DPYSL2: variants seen among roughly 807,000 people sequenced by gnomAD.
DPYSL2 encodes dihydropyrimidinase like 2, also known as dihydropyrimidinase-related protein 2.
DPYSL2 carries 13 observed loss-of-function variants against 69.9 expected under a neutral mutation model. The observed-to-expected ratio is 0.19, with a 90% confidence interval of 0.12 to 0.30. The LOEUF (loss-of-function observed/expected upper bound fraction) is 0.30. DPYSL2 is among the 10% of genes least tolerant of loss of function. The pLI is 1.00. For missense variants in DPYSL2, 587 were observed against 918.9 expected (o/e 0.64, Z 4.67); for synonymous variants, 326 against 359.1 (o/e 0.91, Z 1.04).
intron 1 of DPYSL2, among the ~76,000 whole-genome samples, chr8:26,576,840 G>C (rs1048498233): frequency 6.6e-6 from 1 of 152,240 alleles, no homozygotes; most frequent in African/African-American, 2.4e-5. Context: ...CACTGGCACT[G>C]TAAACCCTCA....
At chr8:26,629,135 G>A (rs754805323) in intron 7 of DPYSL2, among the ~76,000 whole-genome samples, 60 of 152,220 alleles carry the variant, frequency 3.9e-4, no homozygotes, top group South Asian at 3.5e-3. Context: ...CAGGGTCCAC[G>A]CTTTGTTCTA....
rs7018107 is a variant in DPYSL2, at chr8:26,527,084, A to C, written c.354+12405A>C. Among the ~76,000 whole-genome samples the C allele has an allele frequency of 4.0e-3, 615 of 152,334 alleles. 2 individuals carry two copies. Among genetic ancestry groups the C allele is most frequent in the African/African-American group, 0.014 (563 of 41,568 alleles). On this transcript the variant is annotated intron_variant, in intron 1 of 13. Transcript: ENST00000521913. ...CTTGAGCCAATATTCAGATTTTATT[A>C]AATATGACTGGGGAGTGGGCTAGTT...
chr8:26,577,273 G>T (rs1212230718), intron 1 of DPYSL2: 1 of 352,814 alleles, frequency 2.8e-6, no homozygotes, highest in African/African-American at 2.3e-5. Context: ...CCGGGAAGCA[G>T]CCGCCCTCTC....
intron 1 of DPYSL2, among the ~76,000 whole-genome samples, chr8:26,536,481 G>A (rs1800594596): frequency 6.6e-6 from 1 of 152,030 alleles, no homozygotes; most frequent in African/African-American, 2.4e-5. Context: ...GACCAGCCTG[G>A]TTAACATGGT....
Position 26,652,172 on chromosome 8 carries a change from G to T in DPYSL2, c.1597-85G>T. On this transcript the variant is annotated intron_variant, in intron 11 of 13. Coordinates refer to ENST00000521913, the MANE Select transcript of DPYSL2 (RefSeq NM_001197293.3). The surrounding 1 kb of genome is among the most constrained non-coding windows in gnomAD (Gnocchi z 6.3). ...GTCTCTGAGTCTCTCTTTTGTCTCT[G>T]TGGGGTTGGGGCAGTGGGTGCTGCC... 4 of 1,333,916 alleles carry T rather than the reference G, an allele frequency of 3.0e-6. No individual in the cohort carries two copies. The highest frequency in any genetic ancestry group is 3.0e-6 in the Non-Finnish European group (3 of 993,838). 82.6% of individuals were successfully genotyped at this position (1,333,916 alleles called of 1,614,324 possible).
chr8:26,593,390 A>G lies in DPYSL2; in HGVS notation c.628+9407A>G, dbSNP rs1284539849. On this transcript the variant is annotated intron_variant, in intron 3 of 13. Transcript: ENST00000521913. This position sits in a 1 kb window ranked among gnomAD's most constrained non-coding sequence, Gnocchi z 5.7. ...GCTGGGATTAAGAATCATGGATCCC[A>G]GTGCTTGTTCTGATAGTTGGACTTC... is the stretch of plus-strand genomic sequence containing the variant. 6.6e-6 allele frequency among the ~76,000 whole-genome samples: 1 copy of G among 152,208 alleles called. No homozygotes were observed. Among genetic ancestry groups the G allele is most frequent in the South Asian group, 2.1e-4 (1 of 4,834 alleles).
chr8:26,615,581 A>G (rs1252291016), intron 3 of DPYSL2, among the ~76,000 whole-genome samples: 1 of 152,024 alleles, frequency 6.6e-6, no homozygotes, highest in African/African-American at 2.4e-5. Flanking sequence ...GGCAGGTGTG[A>G]TGTTTGGTCT....
chr8:26,551,814 T>C (rs1315385431), intron 1 of DPYSL2, among the ~76,000 whole-genome samples: 2 of 152,154 alleles, frequency 1.3e-5, no homozygotes, highest in African/African-American at 4.8e-5. Flanking sequence ...AATATACTTT[T>C]ATTGTATTTT....
Position 26,627,317 on chromosome 8 carries a change from C to G in DPYSL2, c.936+22C>G, listed in dbSNP as rs1207382344. On this transcript the variant is annotated intron_variant, in intron 6 of 13. Transcript: ENST00000521913. The surrounding 1 kb of genome is among the most constrained non-coding windows in gnomAD (Gnocchi z 6.9). The stretch of plus-strand genomic sequence containing the variant: ...AGAGGTACAGGGCTTTCTTTTTCGT[C>G]ATTTCTTCATCACCTGGAGGGTGAG... The G allele has an allele frequency of 6.2e-7, 1 of 1,612,522 alleles. No individual in the cohort carries two copies. The highest frequency in any genetic ancestry group is 8.5e-7 in the Non-Finnish European group (1 of 1,178,622).
Position 26,644,465 on chromosome 8 carries a change from C to T in DPYSL2, c.1425+374C>T, listed in dbSNP as rs1803119285. On this transcript the variant is annotated intron_variant, in intron 10 of 13. Transcript: ENST00000521913. This position sits in a 1 kb window ranked among gnomAD's most constrained non-coding sequence, Gnocchi z 4.5. ...AGGACCACAGGCTCAGACCACCATG[C>T]CTGGCTAATTTTTTTTTTATTTTTT... 1.3e-5 allele frequency among the ~76,000 whole-genome samples: 2 copies of T among 152,094 alleles called. No homozygotes were observed. Among genetic ancestry groups the T allele is most frequent in the East Asian group, 1.9e-4 (1 of 5,156 alleles).
intron 1 of DPYSL2, among the ~76,000 whole-genome samples, chr8:26,581,079 A>C (rs374353431): frequency 4.7e-4 from 71 of 152,342 alleles, no homozygotes; most frequent in Middle Eastern, 3.4e-3. Flanking sequence ...TTTTCTTAAC[A>C]GCCTAGTTAA....
chr8:26,623,404 G>A (rs1227440960), intron 3 of DPYSL2, among the ~76,000 whole-genome samples: 1 of 152,162 alleles, frequency 6.6e-6, no homozygotes, highest in Admixed American at 6.5e-5. Flanking sequence ...CATAACAAAT[G>A]TATGTGCTAG....
At position 26,642,915 on chromosome 8, in the gene DPYSL2, G is replaced by A. The variant is rs968438911; in HGVS notation, c.1127-524G>A. The stretch of plus-strand genomic sequence containing the variant: ...GCTGTCTCTTGAGGATATCTGGGGG[G>A]TTATGTATTTGCCCTGAAATACTTC... On this transcript the variant is annotated intron_variant, in intron 8 of 13. Coordinates refer to ENST00000521913, the MANE Select transcript of DPYSL2 (RefSeq NM_001197293.3). The surrounding 1 kb of genome is among the most constrained non-coding windows in gnomAD (Gnocchi z 5.3). The A allele has an allele frequency of 6.6e-6, 1 of 152,456 alleles. No individual in the cohort carries two copies. The highest frequency in any genetic ancestry group is 1.5e-5 in the Non-Finnish European group (1 of 68,260). The allele number at this position is 152,456 out of a possible 1,614,324, so 9.4% of individuals were successfully genotyped here.
At chr8:26,526,418 G>A (rs966822067) in intron 1 of DPYSL2, among the ~76,000 whole-genome samples, 3 of 152,160 alleles carry the variant, frequency 2.0e-5, no homozygotes, top group African/African-American at 7.2e-5. Flanking sequence ...ATTAGCAATA[G>A]GTCATGTTAT....
rs537449529 is a variant in DPYSL2, at chr8:26,648,061, T to C, written c.1596+261T>C. ...TAGACCTTTAGAGCCTCTAAAGTGATGTCAGGATGTGCAAAGCTTCCAGAA... is the reference window on the plus strand; with the variant it reads ...TAGACCTTTAGAGCCTCTAAAGTGACGTCAGGATGTGCAAAGCTTCCAGAA... On this transcript the variant is annotated intron_variant, in intron 11 of 13. Coordinates refer to ENST00000521913, the MANE Select transcript of DPYSL2 (RefSeq NM_001197293.3). The surrounding 1 kb of genome is among the most constrained non-coding windows in gnomAD (Gnocchi z 4.3). Among the ~76,000 whole-genome samples the C allele has an allele frequency of 1.3e-5, 2 of 152,314 alleles. No homozygotes were observed. The highest frequency in any genetic ancestry group is 6.5e-5 in the Admixed American group (1 of 15,296).
rs1802475694 is a variant in DPYSL2, at chr8:26,621,240, G to A, written c.629-2903G>A. 6.6e-6 allele frequency among the ~76,000 whole-genome samples: 1 copy of A among 152,120 alleles called. No homozygotes were observed. The highest frequency in any genetic ancestry group is 1.5e-5 in the Non-Finnish European group (1 of 68,014). ...GATTTTGGGGTGGTGGTGGTAATGG[G>A]ATTATTAACTTTCCCTAAAATTTTC... On this transcript the variant is annotated intron_variant, in intron 3 of 13. Coordinates refer to ENST00000521913, the MANE Select transcript of DPYSL2 (RefSeq NM_001197293.3). This position sits in a 1 kb window ranked among gnomAD's most constrained non-coding sequence, Gnocchi z 4.9.
At chr8:26,552,779 C>T (rs117215803) in intron 1 of DPYSL2, among the ~76,000 whole-genome samples, 4,092 of 152,248 alleles carry the variant, frequency 0.027, 92 homozygotes, top group South Asian at 0.087. Flanking sequence ...TGAATTAATC[C>T]ATTCATGAGT....
rs372106979 is a variant in DPYSL2 at position 26,622,476 on chromosome 8, A to ATGTGTG, written c.629-1651_629-1646dup. Among the ~76,000 whole-genome samples the ATGTGTG allele has an allele frequency of 7.2e-3, 918 of 127,572 alleles. 6 individuals are homozygous for ATGTGTG. Among genetic ancestry groups the ATGTGTG allele is most frequent in the South Asian group, 0.01 (38 of 3,718 alleles). 83.7% of individuals were successfully genotyped at this position (127,572 alleles called of 152,430 possible). The stretch of plus-strand genomic sequence containing the variant: ...TGTGTGTGTGTGTGTGTGTGTGTAT[A>ATGTGTG]TGTGTGTGTGTGTGTGTGTGTATAT... On this transcript the variant is annotated intron_variant, in intron 3 of 13. Coordinates refer to ENST00000521913, the MANE Select transcript of DPYSL2 (RefSeq NM_001197293.3).
rs1244993798 is a variant in DPYSL2, at chr8:26,581,378, CT to C, written c.355-578del. ...AAGCCATTTTAAAAAGTACTATCTT[CT>C]TTTTTTTTTTTTGAGTTGGAGTCTT... is the stretch of plus-strand genomic sequence containing the variant. On this transcript the variant is annotated intron_variant, in intron 1 of 13. Coordinates refer to ENST00000521913, the MANE Select transcript of DPYSL2 (RefSeq NM_001197293.3). Among the ~76,000 whole-genome samples the C allele has an allele frequency of 4.9e-3, 686 of 141,384 alleles. 1 individual carries two copies. The highest frequency in any genetic ancestry group is 0.011 in the African/African-American group (421 of 38,890). 92.8% of individuals were successfully genotyped at this position (141,384 alleles called of 152,430 possible).
Sources: allele counts gnomAD v4.1 joint callset (sites outside exome capture counted in the v4.1 genomes callset), GRCh38; gene constraint gnomAD v4.1.1; non-coding constraint Gnocchi (gnomAD v3.1); transcripts MANE v1.5; gene names NCBI Gene and HGNC (gene_info 2026-07-23, HGNC 2026-07-21).